The following SPDL1 variants were observed in gnomAD, a reference collection of about 807,000 sequenced individuals.
SPDL1 encodes protein Spindly.
SPDL1 carries 85 observed loss-of-function variants against 79.5 expected under a neutral mutation model. The observed-to-expected ratio is 1.07, with a 90% confidence interval of 0.90 to 1.28. SPDL1 has a LOEUF of 1.28. SPDL1 is among the 50% of genes most tolerant of loss of function. The pLI is 0.00. For missense variants in SPDL1, 703 were observed against 697.8 expected, an observed-to-expected ratio of 1.01 and a Z score of -0.08; for synonymous variants, 269 against 240.3, an observed-to-expected ratio of 1.12 and a Z score of -1.10.
At chr5:169,596,500 G>A in intron 7 of SPDL1, 61 bp from the exon 8 acceptor site, 1 of 1,384,614 alleles carries the variant, frequency 7.2e-7, no homozygotes, top group Non-Finnish European at 1.0e-6. Context: ...TATCAAAAAA[G>A]TAGTTATCAG....
At position 169,601,470 on chromosome 5, in the gene SPDL1, T is replaced by C. The variant is rs752044346; in HGVS notation, c.1515T>C (p.Val505=). Residue 505 remains valine, a synonymous_variant, in exon 11 of 12, where the codon GTT becomes GTC. Transcript: ENST00000265295. ...ACAACTTGCAATTAGAAAAATCAGT[T>C]TCTATATACACACCAGTAGTCAGTC... ...EDNNLQLEKS[V]SIYTPVVSLS... The C allele has an allele frequency of 3.0e-5, 49 of 1,614,000 alleles. 1 individual carries two copies. The South Asian group carries it at 4.9e-4, about 16-fold the overall frequency.
chr5:169,596,820 A>G (rs1755611455), intron 8 of SPDL1, 119 bp downstream of exon 8: 1 of 798,182 alleles, frequency 1.3e-6, no homozygotes, highest in Non-Finnish European at 1.9e-6. Context: ...TTTGAGACTA[A>G]GTAAATGGCT....
chr5:169,593,332 AC>A, intron 3 of SPDL1, 21 bp from the exon 4 acceptor site: 1 of 1,482,692 alleles, frequency 6.7e-7, no homozygotes, highest in Non-Finnish European at 9.2e-7. Context: ...TCAATTTATG[AC>A]TTTTTTTTTT....
chr5:169,589,918 G>A (rs1755189845), intron 2 of SPDL1, among the ~76,000 whole-genome samples: 1 of 152,046 alleles, frequency 6.6e-6, no homozygotes, highest in Non-Finnish European at 1.5e-5. Flanking sequence ...GACCAGGCTG[G>A]TCTTGAACTC....
intron 6 of SPDL1, 33 bp from the exon 7 acceptor site, chr5:169,594,537 TA>T (rs1369193844): frequency 6.2e-7 from 1 of 1,611,356 alleles, no homozygotes; most frequent in Non-Finnish European, 8.5e-7. Context: ...TTTCATTTAC[TA>T]CCAGAACAAT....
chr5:169,588,173 A>G (rs1755077804), intron 1 of SPDL1, among the ~76,000 whole-genome samples: 1 of 152,228 alleles, frequency 6.6e-6, no homozygotes, highest in Admixed American at 6.5e-5. Flanking sequence ...AATGTATTCT[A>G]TTCCACTCTT....
intron 2 of SPDL1, among the ~76,000 whole-genome samples, chr5:169,589,846 ATG>A (rs1027539460): frequency 1.3e-4 from 19 of 151,788 alleles, no homozygotes; most frequent in African/African-American, 4.6e-4. Context: ...GGGGTTACAG[ATG>A]TGTGCCACCA....
At chr5:169,596,336 C>T (rs963669204) in intron 7 of SPDL1, among the ~76,000 whole-genome samples, 2 of 152,004 alleles carry the variant, frequency 1.3e-5, no homozygotes, top group African/African-American at 4.8e-5. Flanking sequence ...CACAAAAGTA[C>T]AAATAATTAC....
intron 4 of SPDL1, 38 bp downstream of exon 4, chr5:169,593,586 T>C (rs1755417607): frequency 1.3e-6 from 2 of 1,516,534 alleles, no homozygotes; most frequent in African/African-American, 1.4e-5. Flanking sequence ...GGTTTTCTCT[T>C]TTTTTTTCTG....
intron 8 of SPDL1, among the ~76,000 whole-genome samples, chr5:169,597,973 A>T (rs1325139786): frequency 6.6e-6 from 1 of 151,914 alleles, no homozygotes; most frequent in Non-Finnish European, 1.5e-5. Context: ...TTTCTATCCC[A>T]CTAGAGAAAT....
At chr5:169,592,850 T>C (rs1321262273) in intron 3 of SPDL1, among the ~76,000 whole-genome samples, 2 of 145,452 alleles carry the variant, frequency 1.4e-5, no homozygotes, top group East Asian at 4.1e-4. Context: ...AGTACATTAG[T>C]GAAATATTTT....
chr5:169,592,845 A>G (rs932781483), intron 3 of SPDL1, among the ~76,000 whole-genome samples: 1 of 138,846 alleles, frequency 7.2e-6, no homozygotes, highest in Non-Finnish European at 1.5e-5. Context: ...CAAAGAGTAC[A>G]TTAGTGAAAT....
rs181731297 is a variant in SPDL1 at position 169,591,591 on chromosome 5, A to G, written c.336+367A>G. Among the ~76,000 whole-genome samples the G allele has an allele frequency of 1.2e-3, 187 of 152,324 alleles. 1 individual carries two copies. Among genetic ancestry groups the G allele is most frequent in the Non-Finnish European group, 2.1e-3 (141 of 68,030 alleles). On this transcript the variant is annotated intron_variant, in intron 3 of 11. Transcript: ENST00000265295. ...GCTTTGTAATTCTGTAAAACAGACC[A>G]GTAGTTTCTTACTAGTTAATGTGCA...
Position 169,594,271 on chromosome 5 carries a change from G to A in SPDL1, c.658G>A (p.Val220Ile). ...AAAAGAGGAGCGAGAGAAAGAAGCA[G>A]TTTCTTACTATAATGCCCTAGAGGT... ...EEKEEREKEA[V>I]SYYNALEKAR... The change falls in exon 5 of 12, where the codon GTT becomes ATT. Residue 220 changes from valine to isoleucine, a missense_variant. Coordinates refer to ENST00000265295, the MANE Select transcript of SPDL1 (RefSeq NM_017785.5). The A allele has an allele frequency of 6.2e-7, 1 of 1,613,998 alleles. No homozygotes were observed. Among genetic ancestry groups the A allele is most frequent in the South Asian group, 1.1e-5 (1 of 91,060 alleles).
intron 2 of SPDL1, 32 bp downstream of exon 2, chr5:169,588,607 T>C: frequency 6.4e-7 from 1 of 1,554,226 alleles, no homozygotes; most frequent in African/African-American, 1.4e-5. Context: ...TCTGCAAGAG[T>C]GTGCTTAGCT....
intron 1 of SPDL1, chr5:169,586,071 C>T (rs1754973427): frequency 6.6e-6 from 1 of 152,156 alleles, no homozygotes; most frequent in Admixed American, 6.5e-5. Flanking sequence ...AAAACTTGTC[C>T]CTACTTCCTC....
intron 3 of SPDL1, among the ~76,000 whole-genome samples, chr5:169,592,214 C>CTTTTTTTTTT (rs397884840): frequency 2.1e-5 from 2 of 97,050 alleles, no homozygotes; most frequent in East Asian, 3.1e-4. Flanking sequence ...TTTTTTTTTC[C>CTTTTTTTTTT]TTTTTTTTTT....
intron 1 of SPDL1, 88 bp from the exon 2 acceptor site, chr5:169,588,306 A>T (rs1755083656): frequency 1.1e-6 from 1 of 886,454 alleles, no homozygotes; most frequent in Non-Finnish European, 1.7e-6. Flanking sequence ...CGACAGTAGT[A>T]TTGAGTAGAT....
chr5:169,588,134 T>C (rs1755076838), intron 1 of SPDL1, among the ~76,000 whole-genome samples: 1 of 152,244 alleles, frequency 6.6e-6, no homozygotes, highest in Non-Finnish European at 1.5e-5. Context: ...AACAGTTTTC[T>C]GATGGTGAAC....
Sources: gnomAD v4.1 joint callset for allele counts (sites outside exome capture counted in the v4.1 genomes callset) on GRCh38, gnomAD v4.1.1 for gene constraint, MANE v1.5 for transcripts, NCBI Gene and HGNC (gene_info 2026-07-23, HGNC 2026-07-21) for gene names.